The following ADCY3 variants were observed in gnomAD, a reference collection of about 807,000 sequenced individuals.
ADCY3 encodes the protein adenylate cyclase 3.
In ADCY3, 70 loss-of-function variants were observed where a neutral mutation model predicts 119.4. That is an observed-to-expected ratio of 0.59 (90% CI 0.48 to 0.72). ADCY3 has a LOEUF of 0.72. Among genes scored for constraint, ADCY3 ranks in the 30% least tolerant of loss-of-function variants. ADCY3 has a pLI of 0.00. For missense variants in ADCY3, 1,238 were observed against 1,541.6 expected (o/e 0.80, Z 3.30); for synonymous variants, 672 against 621.4 (o/e 1.08, Z -1.21).
intron 3 of ADCY3, among the ~76,000 whole-genome samples, chr2:24,862,169 A>T (rs1312948474): frequency 5.3e-5 from 8 of 151,136 alleles, no homozygotes; most frequent in African/African-American, 1.9e-4. Flanking sequence ...GGACTGTGGG[A>T]CTGTGCTAGG....
In ADCY3 at chr2:24,912,548, C is replaced by CGCATGTGTGTGTGTGTGT. The variant is rs753397610; in HGVS notation, c.675+5747_675+5764dup. ...GGCAGACCAAGCCCAGGAGTGAGCACGCATGTGTGTGTGTGTGTGCATGTG... is the reference window on the plus strand; with the variant it reads ...GGCAGACCAAGCCCAGGAGTGAGCACGCATGTGTGTGTGTGTGTGCATGTGTGTGTGTGTGTGCATGTG... On this transcript the variant is annotated intron_variant, in intron 2 of 21. Coordinates refer to ENST00000679454, the MANE Select transcript of ADCY3 (RefSeq NM_004036.5). Among the ~76,000 whole-genome samples the CGCATGTGTGTGTGTGTGT allele has an allele frequency of 2.3e-3, 343 of 149,092 alleles. 2 individuals carry two copies. The highest frequency in any genetic ancestry group is 2.8e-3 in the Non-Finnish European group (188 of 67,458).
intron 7 of ADCY3, among the ~76,000 whole-genome samples, chr2:24,839,326 CA>C (rs1161353473): frequency 6.6e-6 from 1 of 152,188 alleles, no homozygotes; most frequent in African/African-American, 2.4e-5. Context: ...CCACTGAGGC[CA>C]AGAATCCTAA....
intron 2 of ADCY3, among the ~76,000 whole-genome samples, chr2:24,904,137 CAGAG>C (rs10566562): frequency 0.5 from 74,740 of 150,106 alleles, 20,302 homozygotes; most frequent in African/African-American, 0.74. Flanking sequence ...AGGAAGGAGA[CAGAG>C]AGAGAGAGAA....
chr2:24,873,962 T>C (rs1675341074), intron 2 of ADCY3, among the ~76,000 whole-genome samples: 1 of 152,210 alleles, frequency 6.6e-6, no homozygotes, highest in African/African-American at 2.4e-5. Flanking sequence ...TAGACTGTAT[T>C]CTGGGGTAGG....
chr2:24,912,385 G>A (rs10207642), intron 2 of ADCY3, among the ~76,000 whole-genome samples: 36,607 of 152,028 alleles, frequency 0.24, 4,624 homozygotes, highest in East Asian at 0.37. Context: ...GCCAGGGGCA[G>A]AGGGTGGTGT....
intron 2 of ADCY3, among the ~76,000 whole-genome samples, chr2:24,887,248 C>A (rs1437666371): frequency 6.6e-6 from 1 of 152,276 alleles, no homozygotes; most frequent in South Asian, 2.1e-4. Flanking sequence ...CTCACTATCA[C>A]GAGAACAGCA....
At chr2:24,913,962 C>T (rs575267628) in intron 2 of ADCY3, among the ~76,000 whole-genome samples, 7 of 151,456 alleles carry the variant, frequency 4.6e-5, no homozygotes, top group Non-Finnish European at 1.0e-4. Context: ...GCCCCGCCCA[C>T]CACCACCCCC....
intron 11 of ADCY3, 23 bp from the exon 12 acceptor site, chr2:24,831,772 G>C: frequency 1.3e-6 from 2 of 1,591,408 alleles, no homozygotes; most frequent in South Asian, 1.1e-5. Flanking sequence ...GAAGACAATT[G>C]GGAGAGGCCA....
At chr2:24,850,123 G>A (rs1361123937) in intron 3 of ADCY3, among the ~76,000 whole-genome samples, 5 of 151,776 alleles carry the variant, frequency 3.3e-5, no homozygotes, top group Non-Finnish European at 4.4e-5. Context: ...CACCTCACAT[G>A]TCACCTCTCC....
chr2:24,841,400 G>A lies in ADCY3; in HGVS notation c.1069-14C>T. The A allele has an allele frequency of 6.2e-7, 1 of 1,610,222 alleles. No homozygotes were observed. The highest frequency in any genetic ancestry group is 1.7e-5 in the Admixed American group (1 of 59,446). Reference sequence around the variant, plus strand: ...CTGGTGGTATTTCTGAAAGGGGAGGGCCTGGCCTGTGCTCCAGCCCCTCCT... The same window carrying A: ...CTGGTGGTATTTCTGAAAGGGGAGGACCTGGCCTGTGCTCCAGCCCCTCCT... On this transcript the variant is annotated splice_polypyrimidine_tract_variant and intron_variant, in intron 5 of 21. Coordinates refer to ENST00000679454, the MANE Select transcript of ADCY3 (RefSeq NM_004036.5). The surrounding 1 kb of genome is among the most constrained non-coding windows in gnomAD (Gnocchi z 5.8).
rs1243183973 is a variant in ADCY3 at position 24,819,950 on chromosome 2, C to T, written c.3417G>A (p.Gln1139=). 1.9e-6 allele frequency: 3 copies of T among 1,613,878 alleles called. No homozygotes were observed. Among genetic ancestry groups the T allele is most frequent in the East Asian group, 2.2e-5 (1 of 44,848 alleles). The change falls in exon 22 of 22, where the codon CAG becomes CAA. Residue 1139 remains glutamine (Q), a synonymous_variant. Coordinates refer to ENST00000679454, the MANE Select transcript of ADCY3 (RefSeq NM_004036.5). ...PNGPSVTLPH[Q]VVDNS ...AGGCCATTCAGGAGTTGTCCACCAC[C>T]TGGTGGGGCAGTGTGACAGAGGGGC...
intron 2 of ADCY3, among the ~76,000 whole-genome samples, chr2:24,909,947 C>A (rs905140303): frequency 6.6e-6 from 1 of 152,226 alleles, no homozygotes; most frequent in Non-Finnish European, 1.5e-5. Context: ...ATAGCTTCCA[C>A]CTTCTCTCTG....
intron 2 of ADCY3, among the ~76,000 whole-genome samples, chr2:24,892,439 GAC>G (rs1558507154): frequency 6.6e-6 from 1 of 152,144 alleles, no homozygotes; most frequent in Admixed American, 6.5e-5. Flanking sequence ...TTTTAGTAGA[GAC>G]AGGGTTTCAC....
rs1460304991 is a variant in ADCY3 at position 24,918,838 on chromosome 2, A to C, written c.150T>G (p.Pro50=). ...VRNSGSCLCL[P]RFMRLTFVPE... ...GCACGAAAGTCAGCCGCATGAAGCG[A>C]GGCAGGCACAGGCAGGAGCCCGAGT... Residue 50 remains proline (P), a synonymous_variant, in exon 2 of 22, where the codon CCT becomes CCG. Transcript: ENST00000679454. The surrounding 1 kb of genome is among the most constrained non-coding windows in gnomAD (Gnocchi z 5.4). 6.2e-7 allele frequency: 1 copy of C among 1,613,510 alleles called. No individual in the cohort carries two copies. The highest frequency in any genetic ancestry group is 8.5e-7 in the Non-Finnish European group (1 of 1,180,032).
chr2:24,846,822 A>T (rs1320468810), intron 3 of ADCY3, among the ~76,000 whole-genome samples: 1 of 151,962 alleles, frequency 6.6e-6, no homozygotes, highest in Non-Finnish European at 1.5e-5. Context: ...CAGGTGATTC[A>T]CTCGCCTCAG....
intron 13 of ADCY3, among the ~76,000 whole-genome samples, chr2:24,829,120 G>A (rs984419687): frequency 1.3e-5 from 2 of 151,516 alleles, no homozygotes; most frequent in Non-Finnish European, 2.9e-5. Flanking sequence ...AGGTTCAAGC[G>A]ATTCTCCTGC....
chr2:24,852,950 A>G (rs1490639391), intron 3 of ADCY3, among the ~76,000 whole-genome samples: 1 of 149,114 alleles, frequency 6.7e-6, no homozygotes, highest in Non-Finnish European at 1.5e-5. Flanking sequence ...TGTGCACCTG[A>G]GGTTTGAGAA....
intron 17 of ADCY3, among the ~76,000 whole-genome samples, chr2:24,823,613 G>T (rs150830002): frequency 0.018 from 2,670 of 151,344 alleles, 79 homozygotes; most frequent in African/African-American, 0.062. Context: ...CCAGGTATCT[G>T]GGACCACAGA....
Position 24,821,635 on chromosome 2 carries a change from G to A in ADCY3, c.3009C>T (p.Asp1003=). 1 of 1,613,978 alleles carries A rather than the reference G, an allele frequency of 6.2e-7. No homozygotes were observed. The highest frequency in any genetic ancestry group is 1.3e-5 in the African/African-American group (1 of 75,066). Residue 1003 remains aspartate (D), a synonymous_variant, in exon 20 of 22, where the codon GAC becomes GAT. Coordinates refer to ENST00000679454, the MANE Select transcript of ADCY3 (RefSeq NM_004036.5). ...GCTGCCAGCGCTCTCTCTCGGACTT[G>A]TCTTCCTGTGCCAGGGGACCGTGGA... ...TNGFASSNKE[D]KSERERWQHL...
Sources: gnomAD v4.1 joint callset for allele counts (sites outside exome capture counted in the v4.1 genomes callset) on GRCh38, gnomAD v4.1.1 for gene constraint, Gnocchi (gnomAD v3.1) non-coding constraint, MANE v1.5 for transcripts, NCBI Gene and HGNC (gene_info 2026-07-23, HGNC 2026-07-21) for gene names.